PCYT1B: variants seen among roughly 807,000 people sequenced by gnomAD.
The protein encoded by PCYT1B is choline-phosphate cytidylyltransferase B.
PCYT1B carries 10 observed loss-of-function variants against 26.4 expected under a neutral mutation model. That is an observed-to-expected ratio of 0.38 (90% CI 0.23 to 0.64). The LOEUF (loss-of-function observed/expected upper bound fraction) is 0.64. Among genes scored for constraint, PCYT1B ranks in the 30% least tolerant of loss-of-function variants. The pLI, the probability that PCYT1B is intolerant of heterozygous loss-of-function variation, is 0.56. For synonymous variants in PCYT1B, 131 were observed against 108.4 expected, an observed-to-expected ratio of 1.21 and a Z score of -1.29; for missense variants, 161 against 292.7, an observed-to-expected ratio of 0.55 and a Z score of 3.28.
intron 3 of PCYT1B, among the ~76,000 whole-genome samples, chrX:24,607,104 G>A (rs1317383447): frequency 1.8e-5 from 2 of 112,028 alleles, no homozygotes; most frequent in Non-Finnish European, 3.8e-5. Context: ...TAGCCAAAAA[G>A]AAATAGGCCT....
At chrX:24,664,289 C>T (rs1299359231) in intron 1 of PCYT1B, among the ~76,000 whole-genome samples, 2 of 111,783 alleles carry the variant, frequency 1.8e-5, no homozygotes, top group Admixed American at 9.5e-5. Context: ...GGGTAATTAA[C>T]TTTGCCTTTC....
At chrX:24,635,174 GA>G (rs1926232663) in intron 1 of PCYT1B, among the ~76,000 whole-genome samples, 4 of 111,977 alleles carry the variant, frequency 3.6e-5, no homozygotes, top group Non-Finnish European at 7.5e-5. Context: ...TACATGTAAC[GA>G]TAAATGTTTA....
intron 1 of PCYT1B, among the ~76,000 whole-genome samples, chrX:24,662,384 T>C (rs1167749694): frequency 9.0e-6 from 1 of 111,431 alleles, no homozygotes; most frequent in African/African-American, 3.3e-5. Flanking sequence ...GGGGGTGCTG[T>C]AGACATCTAG....
intron 7 of PCYT1B, among the ~76,000 whole-genome samples, chrX:24,574,223 G>A (rs1356759267): frequency 1.8e-5 from 2 of 111,331 alleles, no homozygotes; most frequent in Non-Finnish European, 3.8e-5. Flanking sequence ...GTTGTAGGAG[G>A]AAATTTTGTT....
intron 6 of PCYT1B, among the ~76,000 whole-genome samples, chrX:24,576,252 G>A (rs1924007385): frequency 8.9e-6 from 1 of 112,093 alleles, no homozygotes; most frequent in African/African-American, 3.2e-5. Context: ...TCCTAAAGGG[G>A]TAAGGCTTAT....
At chrX:24,632,041 C>T (rs1303298807) in intron 1 of PCYT1B, among the ~76,000 whole-genome samples, 6 of 111,871 alleles carry the variant, frequency 5.4e-5, no homozygotes, top group Non-Finnish European at 1.1e-4. Context: ...CCCTGAGGTG[C>T]CAGGATAGGT....
At position 24,583,457 on chromosome X, in the gene PCYT1B, C is replaced by T. The variant is rs137892481; in HGVS notation, c.565+3784G>A. Among the ~76,000 whole-genome samples the T allele has an allele frequency of 3.1e-3, 350 of 112,187 alleles. 3 individuals carry two copies. The highest frequency in any genetic ancestry group is 0.01 in the African/African-American group (317 of 30,856). On this transcript the variant is annotated intron_variant, in intron 5 of 7. Transcript: ENST00000379144. ...CAAGAACTACCCAGCCAAGCCTCTG[C>T]TAAAATCCTGCCCCACAAAATCATG...
At position 24,617,796 on chromosome X, in the gene PCYT1B, TATTTTTCACCCC is replaced by T. The variant is rs779874997; in HGVS notation, c.217+1177_217+1188del. Among the ~76,000 whole-genome samples, 13 of 111,443 alleles carry T rather than the reference TATTTTTCACCCC, an allele frequency of 1.2e-4. No homozygotes were observed. The East Asian group carries it at 3.4e-3, about 29-fold the overall frequency. On this transcript the variant is annotated intron_variant, in intron 2 of 7. Transcript: ENST00000379144. ...TAAAGTTTACCTGTTCAACTAGTCT[TATTTTTCACCCC>T]ATCCCAATCAACTAAAACAACACTC...
intron 1 of PCYT1B, among the ~76,000 whole-genome samples, chrX:24,621,182 C>T (rs1172242335): frequency 9.0e-6 from 1 of 111,587 alleles, no homozygotes; most frequent in Admixed American, 9.6e-5. Context: ...ATGAGTGACC[C>T]ACCACTACCA....
At chrX:24,613,442 C>T (rs1307196205) in intron 2 of PCYT1B, among the ~76,000 whole-genome samples, 1 of 111,638 alleles carries the variant, frequency 9.0e-6, no homozygotes, top group Non-Finnish European at 1.9e-5. Context: ...TTGATGTTTG[C>T]TTTTTAAAAT....
chrX:24,633,209 CAAA>C (rs1173874144), intron 1 of PCYT1B, among the ~76,000 whole-genome samples: 99 of 16,726 alleles, frequency 5.9e-3, no homozygotes, highest in African/African-American at 0.014. Context: ...GACTATGTCT[CAAA>C]AAAAAAAAAA....
chrX:24,623,696 A>G (rs916472174), intron 1 of PCYT1B, among the ~76,000 whole-genome samples: 3 of 111,502 alleles, frequency 2.7e-5, no homozygotes, highest in Non-Finnish European at 3.8e-5. Flanking sequence ...AGAAGACATT[A>G]TATGTTGAGC....
At chrX:24,621,221 A>G in intron 1 of PCYT1B, among the ~76,000 whole-genome samples, 1 of 111,510 alleles carries the variant, frequency 9.0e-6, no homozygotes, top group East Asian at 2.8e-4. Context: ...TTGAGGCAGG[A>G]AATATTTTTG....
At position 24,660,112 on chromosome X, in the gene PCYT1B, G is replaced by T. The variant is rs1368492595; in HGVS notation, c.63+12458C>A. ...AATTGTCCTGGGGTTTAGCATCAGG[G>T]CTTTTAAAAGTTTAGAACAAAAAAA... On this transcript the variant is annotated intron_variant, in intron 1 of 7. Coordinates refer to the PCYT1B transcript ENST00000379145. Among the ~76,000 whole-genome samples, 3 of 111,246 alleles carry T rather than the reference G, an allele frequency of 2.7e-5. No homozygotes were observed. The Admixed American group carries it at 2.9e-4, about 11-fold the overall frequency.
chrX:24,558,565 A>C lies in PCYT1B; in HGVS notation c.*3728T>G, dbSNP rs955000954. The C allele has an allele frequency of 4.7e-5, 5 of 106,909 alleles. No individual in the cohort carries two copies. Among genetic ancestry groups the C allele is most frequent in the African/African-American group, 1.7e-4 (5 of 29,201 alleles). 8.8% of individuals were successfully genotyped at this position (106,909 alleles called of 1,213,427 possible). A position where few individuals can be genotyped will look rare whatever the true frequency, so the allele number is the denominator to read the frequency against. On this transcript the variant is annotated 3_prime_UTR_variant, in exon 8 of 8. Coordinates refer to ENST00000379144, the MANE Select transcript of PCYT1B (RefSeq NM_004845.5). ...GGTATGACTAGATGCTAAAATAAGT[A>C]CTGAAGACGGAGAGAAAATAAATCC...
chrX:24,562,649 C>T, intron 7 of PCYT1B, 144 bp from the exon 8 acceptor site: 1 of 497,106 alleles, frequency 2.0e-6, no homozygotes. Context: ...CCGTGTTGTC[C>T]AAGACTATGT....
At chrX:24,565,332 T>C (rs1307868057) in intron 7 of PCYT1B, among the ~76,000 whole-genome samples, 1 of 111,603 alleles carries the variant, frequency 9.0e-6, no homozygotes, top group Non-Finnish European at 1.9e-5. Context: ...CTTTGGGTTA[T>C]TCATTTTACA....
At chrX:24,658,559 C>T (rs1301017985) in intron 1 of PCYT1B, among the ~76,000 whole-genome samples, 1 of 93,074 alleles carries the variant, frequency 1.1e-5, no homozygotes, top group Non-Finnish European at 2.1e-5. Flanking sequence ...CATTCCTTGA[C>T]TCCTGGCCTG....
intron 1 of PCYT1B, among the ~76,000 whole-genome samples, chrX:24,667,437 C>T (rs1927149343): frequency 9.0e-6 from 1 of 111,295 alleles, no homozygotes; most frequent in Admixed American, 9.6e-5. Flanking sequence ...AAAAATAAGG[C>T]TGGATGCAGT....
Sources: allele counts gnomAD v4.1 joint callset (sites outside exome capture counted in the v4.1 genomes callset), GRCh38; gene constraint gnomAD v4.1.1; transcripts MANE v1.5; gene names NCBI Gene and HGNC (gene_info 2026-07-23, HGNC 2026-07-21).